CEP192: variants seen among roughly 807,000 people sequenced by gnomAD.
CEP192 encodes the protein centrosomal protein 192.
Under a neutral mutation model 271.8 loss-of-function variants are expected in CEP192, and 151 were observed. That is an observed-to-expected ratio of 0.56 (90% confidence interval 0.49 to 0.64). The LOEUF is 0.64. Among genes scored for constraint, CEP192 ranks in the 30% least tolerant of loss-of-function variants. The pLI is 0.00. For missense variants in CEP192, 2,910 were observed against 3,020.5 expected, an observed-to-expected ratio of 0.96 and a Z score of 0.86; for synonymous variants, 995 against 1,076.5, an observed-to-expected ratio of 0.92 and a Z score of 1.48.
Position 13,013,030 on chromosome 18 carries a change from C to T in CEP192, c.519+5C>T. On this transcript the variant is annotated splice_donor_5th_base_variant and intron_variant, in intron 5 of 44. Coordinates refer to ENST00000506447, the MANE Select transcript of CEP192 (RefSeq NM_032142.4). ...ATGAATAATAAGGAACCCAAGGTAA[C>T]CTTTTATATATTTGGTATCATTTTC... is the stretch of plus-strand genomic sequence containing the variant. 7.1e-7 allele frequency: 1 copy of T among 1,403,042 alleles called. No individual in the cohort carries two copies. Among genetic ancestry groups the T allele is most frequent in the Non-Finnish European group, 9.8e-7 (1 of 1,015,460 alleles). 86.9% of individuals were successfully genotyped at this position (1,403,042 alleles called of 1,614,324 possible).
At chr18:13,092,640 T>G (rs1166976573) in intron 34 of CEP192, 113 bp downstream of exon 34, 1 of 782,564 alleles carries the variant, frequency 1.3e-6, no homozygotes, top group African/African-American at 1.8e-5. Context: ...TCAAAATTTT[T>G]ATTTCACCTT....
intron 30 of CEP192, among the ~76,000 whole-genome samples, chr18:13,084,747 C>T (rs1261879877): frequency 6.6e-6 from 1 of 152,128 alleles, no homozygotes; most frequent in African/African-American, 2.4e-5. Flanking sequence ...TCTTATTCAG[C>T]CATCTTGAAA....
intron 4 of CEP192, among the ~76,000 whole-genome samples, chr18:13,012,745 G>A (rs1339019184): frequency 6.6e-6 from 1 of 152,128 alleles, no homozygotes; most frequent in Admixed American, 6.5e-5. Flanking sequence ...TAGCTGTAAA[G>A]TCTTGATTAG....
chr18:13,084,518 G>A (rs1251424799), intron 30 of CEP192, among the ~76,000 whole-genome samples: 1 of 152,184 alleles, frequency 6.6e-6, no homozygotes, highest in African/African-American at 2.4e-5. Flanking sequence ...GATTTTCCAG[G>A]TACAGTCTGT....
intron 44 of CEP192, 56 bp from the exon 45 acceptor site, chr18:13,124,576 A>G: frequency 5.9e-6 from 9 of 1,532,876 alleles, no homozygotes; most frequent in Non-Finnish European, 8.0e-6. Context: ...GCTGCCTGGG[A>G]CAGGGTCACG....
chr18:13,027,034 G>A (rs752895791), intron 9 of CEP192, among the ~76,000 whole-genome samples: 14 of 152,100 alleles, frequency 9.2e-5, no homozygotes, highest in Non-Finnish European at 2.1e-4. Flanking sequence ...GTGTTGGGGA[G>A]GGAAAGCATT....
rs1355147742 is a variant in CEP192 at position 13,087,157 on chromosome 18, C to G, written c.5757C>G (p.Gly1919=). ...TTGTTTTTTCTGTCCGCAACACTGG[C>G]TCCCGAGCAGCTTTTGTTAAAGCAG... is the stretch of plus-strand genomic sequence containing the variant. The part of the protein sequence containing the change: ...SKIVFSVRNT[G]SRAAFVKAVG... The change falls in exon 31 of 45, where the codon GGC becomes GGG. Residue 1919 remains glycine (G), a synonymous_variant. Coordinates refer to ENST00000506447, the MANE Select transcript of CEP192 (RefSeq NM_032142.4). 5.5e-5 allele frequency: 88 copies of G among 1,614,006 alleles called. No homozygotes were observed. The highest frequency in any genetic ancestry group is 7.4e-5 in the Non-Finnish European group (87 of 1,180,004).
intron 40 of CEP192, among the ~76,000 whole-genome samples, chr18:13,109,250 G>A (rs999439581): frequency 1.4e-4 from 22 of 152,140 alleles, no homozygotes; most frequent in Admixed American, 1.4e-3. Context: ...GTAGCAACAT[G>A]GATACAGCTG....
At chr18:13,116,767 G>A (rs976021154) in intron 43 of CEP192, among the ~76,000 whole-genome samples, 6 of 152,126 alleles carry the variant, frequency 3.9e-5, no homozygotes, top group South Asian at 4.1e-4. Context: ...CCGCCACCAC[G>A]CCTGGCTAAT....
Position 13,049,037 on chromosome 18 carries a change from C to T in CEP192, c.2246C>T (p.Thr749Ile). Reference sequence around the variant, plus strand: ...CTTTCAAATAAAACCAGAGACAAGACTTTTCAGGAAGATGAGAAACAAAAG... The same window carrying T: ...CTTTCAAATAAAACCAGAGACAAGATTTTTCAGGAAGATGAGAAACAAAAG... ...KALSNKTRDKTFQEDEKQKDY... is the reference protein window; with the variant it reads ...KALSNKTRDKIFQEDEKQKDY... The change falls in exon 16 of 45, where the codon ACT becomes ATT. Residue 749 changes from threonine (T) to isoleucine (I), a missense_variant. Physicochemically the swap from Thr to Ile is moderately conservative, Grantham distance 89. Transcript: ENST00000506447. 6.2e-7 allele frequency: 1 copy of T among 1,614,084 alleles called. No homozygotes were observed. Among genetic ancestry groups the T allele is most frequent in the Non-Finnish European group, 8.5e-7 (1 of 1,180,002 alleles).
chr18:13,075,761 C>G (rs984045088), intron 30 of CEP192, among the ~76,000 whole-genome samples: 1 of 152,214 alleles, frequency 6.6e-6, no homozygotes, highest in Non-Finnish European at 1.5e-5. Context: ...CGAGATACTA[C>G]TACTCTTGCC....
intron 5 of CEP192, among the ~76,000 whole-genome samples, chr18:13,013,597 C>CTG (rs2034484157): frequency 6.6e-6 from 1 of 152,134 alleles, no homozygotes; most frequent in African/African-American, 2.4e-5. Context: ...ATGTCCACTT[C>CTG]TGTGTGTGTG....
intron 6 of CEP192, among the ~76,000 whole-genome samples, chr18:13,015,651 C>T (rs1458214364): frequency 2.0e-5 from 3 of 152,094 alleles, no homozygotes; most frequent in African/African-American, 2.4e-5. Context: ...TATGATTATA[C>T]TCATCCTCAG....
At chr18:13,123,170 G>A (rs544655981) in intron 44 of CEP192, among the ~76,000 whole-genome samples, 1 of 152,128 alleles carries the variant, frequency 6.6e-6, no homozygotes, top group Non-Finnish European at 1.5e-5. Context: ...CTCTTAAATA[G>A]GCAAATGGTA....
intron 5 of CEP192, among the ~76,000 whole-genome samples, chr18:13,013,588 T>C (rs1194556087): frequency 1.3e-5 from 2 of 152,178 alleles, no homozygotes; most frequent in Non-Finnish European, 2.9e-5. Context: ...CTGGATCTAA[T>C]GTCCACTTCT....
chr18:13,041,629 G>A (rs921173528), intron 14 of CEP192, among the ~76,000 whole-genome samples: 3 of 149,048 alleles, frequency 2.0e-5, no homozygotes, highest in African/African-American at 7.5e-5. Context: ...ACAGTGGCGT[G>A]ATCTCGGCTC....
intron 30 of CEP192, among the ~76,000 whole-genome samples, chr18:13,082,933 A>G (rs1287532843): frequency 6.6e-6 from 1 of 152,158 alleles, no homozygotes; most frequent in Non-Finnish European, 1.5e-5. Flanking sequence ...TTCCTTTAAT[A>G]TGTTGAATAT....
Position 13,049,679 on chromosome 18 carries a change from G to A in CEP192, c.2888G>A (p.Ser963Asn), listed in dbSNP as rs2036671001. 2 of 1,606,750 alleles carry A rather than the reference G, an allele frequency of 1.2e-6. No homozygotes were observed. The highest frequency in any genetic ancestry group is 1.3e-5 in the African/African-American group (1 of 74,644). Residue 963 changes from serine (S) to asparagine (N), a missense_variant and splice_region_variant, in exon 16 of 45, where the codon AGT becomes AAT. Physicochemically the swap from Ser to Asn is conservative, Grantham distance 46 (BLOSUM62 1). Transcript: ENST00000506447. ...ENHRIVSPKN[S>N]DLKNTSPEHG... Reference sequence around the variant, plus strand: ...CATCGCATAGTCTCACCTAAAAATAGTGGTAAGTGTCTGAGTCGTTGGTCA... The same window carrying A: ...CATCGCATAGTCTCACCTAAAAATAATGGTAAGTGTCTGAGTCGTTGGTCA...
chr18:13,118,534 C>T (rs891540410), intron 44 of CEP192, among the ~76,000 whole-genome samples: 3 of 152,158 alleles, frequency 2.0e-5, no homozygotes, highest in South Asian at 2.1e-4. Flanking sequence ...CTCCTATGGA[C>T]TATAAAATGT....
Sources: gnomAD v4.1 joint callset for allele counts (sites outside exome capture counted in the v4.1 genomes callset) on GRCh38, gnomAD v4.1.1 for gene constraint, MANE v1.5 for transcripts, NCBI Gene and HGNC (gene_info 2026-07-23, HGNC 2026-07-21) for gene names.